Variants in TBL1X observed in about 807,000 individuals in gnomAD.
TBL1X encodes the protein transducin beta like 1 X-linked, also known as F-box-like/WD repeat-containing protein TBL1X.
Under a neutral mutation model 50.7 loss-of-function variants are expected in TBL1X, and 10 were observed. That is an observed-to-expected ratio of 0.20 (90% CI 0.12 to 0.33). The LOEUF is 0.33. Ranked by LOEUF, TBL1X falls within the 10% of genes least tolerant of loss-of-function variation. TBL1X has a pLI of 1.00. For missense variants in TBL1X, 340 were observed against 504.4 expected (o/e 0.67, Z 3.12); for synonymous variants, 190 against 214.7 (o/e 0.88, Z 1.01).
rs894165686 is a variant in TBL1X, at chrX:9,717,250, G to GA, written c.*1013dup. 3.2e-3 allele frequency: 346 copies of GA among 108,894 alleles called. 1 individual carries two copies. The highest frequency in any genetic ancestry group is 5.4e-3 in the Non-Finnish European group (283 of 52,120). The allele number at this position is 108,894 out of a possible 1,213,427, so 9.0% of individuals were successfully genotyped here. ...AGAGAAAGAGCCTGGAGTATTTTTG[G>GA]AAAAAAAAATAATATTTTTATGTTA... On this transcript the variant is annotated 3_prime_UTR_variant, in exon 18 of 18. Transcript: ENST00000645353.
chrX:9,550,752 TTAAA>T (rs1219733949), intron 2 of TBL1X, among the ~76,000 whole-genome samples: 1 of 112,421 alleles, frequency 8.9e-6, no homozygotes, highest in East Asian at 2.8e-4. Flanking sequence ...TGCGTGTGCT[TTAAA>T]TAATCACAGG....
chrX:9,561,254 A>AT (rs754790311), intron 2 of TBL1X, among the ~76,000 whole-genome samples: 2 of 112,233 alleles, frequency 1.8e-5, no homozygotes, highest in East Asian at 5.6e-4. Flanking sequence ...GGTAAGAATC[A>AT]GAAAGTTGGC....
At chrX:9,558,383 G>A (rs1357602429) in intron 2 of TBL1X, among the ~76,000 whole-genome samples, 5 of 110,597 alleles carry the variant, frequency 4.5e-5, no homozygotes, top group African/African-American at 1.6e-4. Flanking sequence ...CGGGCGTAGT[G>A]GTGCACACCT....
chrX:9,531,488 G>A (rs934889471), intron 2 of TBL1X, among the ~76,000 whole-genome samples: 5 of 107,414 alleles, frequency 4.7e-5, no homozygotes, highest in African/African-American at 1.7e-4. Context: ...GCTCATTTCT[G>A]GTTTGTAAAG....
Position 9,709,229 on chromosome X carries a change from CTCT to C in TBL1X, c.1237-15_1237-13del. 7.5e-6 allele frequency: 9 copies of C among 1,206,500 alleles called. No homozygotes were observed. The highest frequency in any genetic ancestry group is 1.0e-5 in the Non-Finnish European group (9 of 892,215). On this transcript the variant is annotated splice_polypyrimidine_tract_variant and intron_variant, in intron 13 of 17. Transcript: ENST00000645353. The stretch of plus-strand genomic sequence containing the variant: ...CACAGGCCCTGATGTCTTTTTCACA[CTCT>C]TCTGCTCTCTTTCAGAACGAGGTCA...
intron 2 of TBL1X, among the ~76,000 whole-genome samples, chrX:9,569,850 A>T: frequency 8.9e-6 from 1 of 112,614 alleles, no homozygotes; most frequent in Middle Eastern, 4.6e-3. Flanking sequence ...AAATTGTCAT[A>T]AAGACAATGC....
intron 1 of TBL1X, among the ~76,000 whole-genome samples, chrX:9,476,135 G>C (rs2081848349): frequency 8.9e-6 from 1 of 112,117 alleles, no homozygotes; most frequent in Admixed American, 9.5e-5. Flanking sequence ...GAAGAGAGGA[G>C]AAACAGGAAG....
intron 2 of TBL1X, among the ~76,000 whole-genome samples, chrX:9,584,787 T>C (rs1364789429): frequency 8.9e-6 from 1 of 111,766 alleles, no homozygotes; most frequent in Non-Finnish European, 1.9e-5. Context: ...CAAAAGACTG[T>C]ATAAGGTTCC....
chrX:9,666,055 G>A (rs1474011128), intron 5 of TBL1X, among the ~76,000 whole-genome samples: 2 of 111,688 alleles, frequency 1.8e-5, no homozygotes, highest in Non-Finnish European at 1.9e-5. Context: ...TTGGGGGATG[G>A]GCTGATTGGC....
rs1368003808 is a variant in TBL1X, at chrX:9,688,151, G to A, written c.492G>A (p.Ala164=). ...LAQQQASAAA[A]AAAATAAATA... ...AGCAGCAAGCCAGTGCGGCGGCGGC[G>A]GCGGCTGCGGCCACGGCAGCAGCGA... Residue 164 remains alanine (A), a synonymous_variant, in exon 7 of 18, where the codon GCG becomes GCA. Coordinates refer to ENST00000645353, the MANE Select transcript of TBL1X (RefSeq NM_005647.4). The A allele has an allele frequency of 5.8e-6, 7 of 1,196,951 alleles. No homozygotes were observed. The highest frequency in any genetic ancestry group is 2.3e-5 in the Admixed American group (1 of 44,137).
chrX:9,486,523 C>T (rs1216180336), intron 1 of TBL1X, among the ~76,000 whole-genome samples: 2 of 110,956 alleles, frequency 1.8e-5, no homozygotes, highest in Admixed American at 9.6e-5. Flanking sequence ...CATGAGCTAC[C>T]AGGCCTTGCC....
At chrX:9,565,274 A>T (rs975785090) in intron 2 of TBL1X, among the ~76,000 whole-genome samples, 1 of 106,579 alleles carries the variant, frequency 9.4e-6, no homozygotes, top group Non-Finnish European at 1.9e-5. Flanking sequence ...TCCGTCTCAA[A>T]AAAAAAAAAA....
chrX:9,524,248 G>A (rs974537202), intron 2 of TBL1X, among the ~76,000 whole-genome samples: 3 of 112,108 alleles, frequency 2.7e-5, no homozygotes, highest in African/African-American at 9.7e-5. Context: ...GATTACAGGC[G>A]TGAGCCAGTG....
At chrX:9,563,750 G>T (rs1347446193) in intron 2 of TBL1X, among the ~76,000 whole-genome samples, 1 of 112,501 alleles carries the variant, frequency 8.9e-6, no homozygotes, top group Non-Finnish European at 1.9e-5. Flanking sequence ...AGTTTTATTG[G>T]ACAGAAGAAC....
At chrX:9,604,812 C>T (rs745580465) in intron 2 of TBL1X, among the ~76,000 whole-genome samples, 101 of 110,965 alleles carry the variant, frequency 9.1e-4, no homozygotes, top group African/African-American at 3.1e-3. Context: ...CGGCCCTGTT[C>T]TGGCCATAGA....
chrX:9,568,841 C>T (rs1035017407), intron 2 of TBL1X, among the ~76,000 whole-genome samples: 4 of 99,944 alleles, frequency 4.0e-5, no homozygotes, highest in Non-Finnish European at 8.1e-5. Context: ...GTGTGCTGTG[C>T]GTGGCTGTGT....
intron 1 of TBL1X, among the ~76,000 whole-genome samples, chrX:9,470,854 G>A (rs1437439382): frequency 3.6e-5 from 4 of 111,285 alleles, no homozygotes; most frequent in Non-Finnish European, 3.8e-5. Context: ...GGCTGGTCTC[G>A]AACTCCTGAC....
At chrX:9,466,358 C>T (rs2081774670) in intron 1 of TBL1X, among the ~76,000 whole-genome samples, 1 of 112,443 alleles carries the variant, frequency 8.9e-6, no homozygotes, top group Non-Finnish European at 1.9e-5. Flanking sequence ...AGGGCCTGGA[C>T]TTCACGTGCG....
intron 2 of TBL1X, among the ~76,000 whole-genome samples, chrX:9,604,502 T>C (rs986907516): frequency 9.0e-6 from 1 of 110,940 alleles, no homozygotes; most frequent in African/African-American, 3.3e-5. Flanking sequence ...TGTCATAAAT[T>C]GTCTCTCCCT....
Sources: allele counts gnomAD v4.1 joint callset (sites outside exome capture counted in the v4.1 genomes callset), GRCh38; gene constraint gnomAD v4.1.1; transcripts MANE v1.5; gene names NCBI Gene and HGNC (gene_info 2026-07-23, HGNC 2026-07-21).